Variants in KLRG1 observed in about 807,000 individuals in gnomAD.
KLRG1 encodes killer cell lectin-like receptor subfamily G member 1.
KLRG1 carries 16 observed loss-of-function variants against 21.8 expected under a neutral mutation model. The ratio of observed to expected loss-of-function variants is 0.73; its 90% CI spans 0.50 to 1.11. KLRG1 has a LOEUF of 1.11. KLRG1 is among the 50% of genes most tolerant of loss of function. KLRG1 has a pLI of 0.00. For synonymous variants in KLRG1, 69 were observed against 75.9 expected (o/e 0.91, Z 0.47); for missense variants, 173 against 218.3 (o/e 0.79, Z 1.31).
At chr12:9,069,838 A>G in the KLRG1 span, 2 of 1,607,106 alleles carry the variant, frequency 1.2e-6, no homozygotes, top group African/African-American at 2.7e-5. Flanking sequence ...AATACCACAA[A>G]TGTTAATAAA....
At chr12:9,070,561 G>T in the KLRG1 span, 1 of 1,613,636 alleles carries the variant, frequency 6.2e-7, no homozygotes, top group South Asian at 1.1e-5. Flanking sequence ...GTTGGAGGCA[G>T]AGCGGCTCCC....
the KLRG1 span, chr12:9,109,444 C>A: frequency 1.3e-6 from 2 of 1,515,438 alleles, no homozygotes; most frequent in Non-Finnish European, 1.8e-6. Context: ...GATTGGTTTT[C>A]AACTTTGGGG....
the KLRG1 span, among the ~76,000 whole-genome samples, chr12:9,116,569 T>C: frequency 8.2e-3 from 1,252 of 152,246 alleles, 14 homozygotes; most frequent in African/African-American, 0.028. Context: ...AACTTCCCAA[T>C]TGCCTTTACC....
the KLRG1 span, among the ~76,000 whole-genome samples, chr12:9,059,996 C>CCT: frequency 2.3e-3 from 172 of 75,572 alleles, 1 homozygote; most frequent in African/African-American, 8.9e-3. Context: ...GCCCTGGCAT[C>CCT]TTTTTTTTTT....
chr12:9,000,613 A>G lies in KLRG1; in HGVS notation c.357+5325A>G, dbSNP rs147407799. ...AATCACTATTCTACTTACCATATCT[A>G]TGTATTTGCCTATTCTGTCCTTTAG... On this transcript the variant is annotated intron_variant, in intron 3 of 4. Transcript: ENST00000356986. Among the ~76,000 whole-genome samples the G allele has an allele frequency of 1.3e-3, 196 of 152,214 alleles. 2 individuals carry two copies. Among genetic ancestry groups the G allele is most frequent in the South Asian group, 3.7e-3 (18 of 4,824 alleles).
chr12:9,091,356 G>C, the KLRG1 span: 1 of 1,614,184 alleles, frequency 6.2e-7, no homozygotes, highest in Non-Finnish European at 8.5e-7. Flanking sequence ...TCTTCAGACA[G>C]GCAGAAGGCC....
chr12:9,192,044 T>C, the KLRG1 span: 1 of 631,458 alleles, frequency 1.6e-6, no homozygotes, highest in Non-Finnish European at 2.8e-6. Context: ...AATTTTAAAA[T>C]GCCAAAGAGT....
intron 1 of KLRG1, among the ~76,000 whole-genome samples, chr12:8,956,166 G>A (rs538269610): frequency 1.6e-3 from 243 of 152,302 alleles, no homozygotes; most frequent in Middle Eastern, 3.4e-3. Context: ...GCCGAACAGC[G>A]GGTGCAAAAG....
At chr12:9,078,479 T>G in the KLRG1 span, among the ~76,000 whole-genome samples, 1 of 152,232 alleles carries the variant, frequency 6.6e-6, no homozygotes, top group Non-Finnish European at 1.5e-5. Flanking sequence ...TTTGTTATTG[T>G]AAATAGTGCC....
the KLRG1 span, chr12:9,181,891 G>A: frequency 2.8e-6 from 4 of 1,450,804 alleles, no homozygotes; most frequent in Non-Finnish European, 3.7e-6. Flanking sequence ...TACTTTTCTG[G>A]ACTTAGTTTT....
At chr12:9,012,174 C>T (rs946209153), downstream of KLRG1, among the ~76,000 whole-genome samples, 4 of 152,168 alleles carry the variant, frequency 2.6e-5, no homozygotes, top group Admixed American at 1.3e-4. Context: ...ACCCCTCCTC[C>T]GACCCCAGGC....
the KLRG1 span, among the ~76,000 whole-genome samples, chr12:9,209,074 T>C: frequency 6.6e-6 from 1 of 151,756 alleles, no homozygotes; most frequent in Non-Finnish European, 1.5e-5. Flanking sequence ...TGAGCCATAC[T>C]GTGTGCTAAG....
the KLRG1 span, among the ~76,000 whole-genome samples, chr12:9,101,908 C>T: frequency 3.3e-5 from 5 of 152,250 alleles, no homozygotes; most frequent in South Asian, 6.2e-4. Context: ...TTCTTAAGAG[C>T]ATAAAAGGAG....
chr12:9,156,689 T>A, the KLRG1 span, among the ~76,000 whole-genome samples: 1 of 152,218 alleles, frequency 6.6e-6, no homozygotes, highest in African/African-American at 2.4e-5. Flanking sequence ...TTCTGCTCTG[T>A]GTAACATATG....
the KLRG1 span, among the ~76,000 whole-genome samples, chr12:9,187,636 G>T: frequency 6.6e-6 from 1 of 152,170 alleles, no homozygotes; most frequent in Non-Finnish European, 1.5e-5. Flanking sequence ...AAACCAGTAA[G>T]AACAAAGATA....
At chr12:9,208,871 A>G in the KLRG1 span, among the ~76,000 whole-genome samples, 1 of 152,188 alleles carries the variant, frequency 6.6e-6, no homozygotes, top group Non-Finnish European at 1.5e-5. Flanking sequence ...AGAGTAGAGG[A>G]TCAATGAAAG....
intron 3 of KLRG1, among the ~76,000 whole-genome samples, chr12:9,000,937 A>G (rs1310273912): frequency 6.6e-6 from 1 of 152,222 alleles, no homozygotes; most frequent in Admixed American, 6.5e-5. Flanking sequence ...ACACAAAATT[A>G]TAGGGAAAAT....
At chr12:8,971,370 A>T (rs771242170) in intron 1 of KLRG1, 1 of 147,612 alleles carries the variant, frequency 6.8e-6, no homozygotes, top group East Asian at 1.9e-4. Context: ...ATTTATTGAC[A>T]TAAAGATATA....
the KLRG1 span, among the ~76,000 whole-genome samples, chr12:9,134,785 AC>A: frequency 6.6e-6 from 1 of 152,124 alleles, no homozygotes; most frequent in Non-Finnish European, 1.5e-5. Context: ...TGGAAAGGCA[AC>A]TGTTGGGATC....
Sources: gnomAD v4.1 joint callset for allele counts (sites outside exome capture counted in the v4.1 genomes callset) on GRCh38, gnomAD v4.1.1 for gene constraint, MANE v1.5 for transcripts, NCBI Gene and HGNC (gene_info 2026-07-23, HGNC 2026-07-21) for gene names.